RNH1: variants seen among roughly 807,000 people sequenced by gnomAD.
The protein encoded by RNH1 is ribonuclease/angiogenin inhibitor 1.
RNH1 carries 38 observed loss-of-function variants against 46.1 expected under a neutral mutation model. The observed-to-expected ratio is 0.82, with a 90% CI of 0.64 to 1.08. The LOEUF (loss-of-function observed/expected upper bound fraction) is 1.08. Ranked by LOEUF, RNH1 falls within the 50% of genes least tolerant of loss-of-function variation. The pLI is 0.00. For synonymous variants in RNH1, 319 were observed against 279.1 expected (o/e 1.14, Z -1.43); for missense variants, 577 against 590.7 (o/e 0.98, Z 0.24).
intron 1 of RNH1, chr11:506,742 G>T (rs1850304499): frequency 6.6e-6 from 1 of 152,436 alleles, no homozygotes; most frequent in South Asian, 2.1e-4. Context: ...GCTGGGCCAG[G>T]ATTGCTTGCG....
intron 9 of RNH1, among the ~76,000 whole-genome samples, chr11:495,750 G>C (rs1329828994): frequency 6.6e-6 from 1 of 152,154 alleles, no homozygotes. Context: ...TCCCCTGGCA[G>C]GGAACTGAAA....
In RNH1 at chr11:499,548, G is replaced by A. The variant is rs766052855; in HGVS notation, c.443+281C>T. On this transcript the variant is annotated intron_variant, in intron 5 of 10. Transcript: ENST00000354420. ...GTGAGTGGAACCTGACTCACGGCCA[G>A]GCATCTGTTCCCACCGTCGGGTCCT... 1.2e-4 allele frequency: 81 copies of A among 700,360 alleles called. 1 individual carries two copies. Among genetic ancestry groups the A allele is most frequent in the Middle Eastern group, 6.9e-4 (3 of 4,378 alleles). The allele number at this position is 700,360 out of a possible 1,614,324, so 43.4% of individuals were successfully genotyped here.
At chr11:505,343 T>A (rs755203665) in intron 1 of RNH1, 2 of 152,202 alleles carry the variant, frequency 1.3e-5, no homozygotes, top group Non-Finnish European at 2.9e-5. Flanking sequence ...AAAGGGACTT[T>A]GCAAATATTA....
At chr11:504,453 C>T (rs1194600213) in intron 2 of RNH1, 1 of 152,754 alleles carries the variant, frequency 6.5e-6, no homozygotes, top group Non-Finnish European at 1.5e-5. Context: ...AGACCCAAGG[C>T]CAGAGCCGCT....
intron 9 of RNH1, among the ~76,000 whole-genome samples, chr11:496,988 C>T (rs760050407): frequency 1.2e-4 from 18 of 152,356 alleles, no homozygotes; most frequent in Non-Finnish European, 2.2e-4. Flanking sequence ...AAAATGAGAA[C>T]TAAGCCAGAG....
In RNH1 at chr11:501,840, C is replaced by CACCCACCTCA. The variant is rs1304353435; in HGVS notation, c.101+221_101+222insTGAGGTGGGT. The CACCCACCTCA allele has an allele frequency of 1.1e-5, 6 of 564,244 alleles. No individual in the cohort carries two copies. In the Admixed American group the frequency reaches 1.8e-4, roughly 17 times the overall value. 35.0% of individuals were successfully genotyped at this position (564,244 alleles called of 1,614,324 possible). Reference sequence around the variant, plus strand: ...TGGCCAGTGGCCGCCCACCTCGGCCCGCCCACCTCAGCCCATGCTGCATGA... The same window carrying CACCCACCTCA: ...TGGCCAGTGGCCGCCCACCTCGGCCCACCCACCTCAGCCCACCTCAGCCCATGCTGCATGA... On this transcript the variant is annotated intron_variant, in intron 3 of 10. Transcript: ENST00000354420. This position sits in a 1 kb window ranked among gnomAD's most constrained non-coding sequence, Gnocchi z 4.1.
Position 500,663 on chromosome 11 carries a change from AG to A in RNH1, c.102-10del, listed in dbSNP as rs780491807. 6.2e-7 allele frequency: 1 copy of A among 1,603,048 alleles called. No individual in the cohort carries two copies. Among genetic ancestry groups the A allele is most frequent in the Non-Finnish European group, 8.5e-7 (1 of 1,179,918 alleles). On this transcript the variant is annotated splice_polypyrimidine_tract_variant and intron_variant, in intron 3 of 10. Transcript: ENST00000354420. ...GGCCACAGTCGTCCAGCCTGTGAGC[AG>A]ACCCCAGGGTCATGTGGACCACGCA...
Position 498,608 on chromosome 11 carries a change from T to A in RNH1, c.805A>T (p.Thr269Ser), listed in dbSNP as rs921926850. 2.5e-6 allele frequency: 4 copies of A among 1,612,588 alleles called. No homozygotes were observed. Among genetic ancestry groups the A allele is most frequent in the Non-Finnish European group, 3.4e-6 (4 of 1,179,992 alleles). The change falls in exon 8 of 11, where the codon ACT (threonine) becomes TCT (serine). Residue 269 changes from threonine (T) to serine (S), a missense_variant. Physicochemically the swap from Thr to Ser is moderately conservative, Grantham distance 58. Transcript: ENST00000354420. ...CACAGATCCCCGCAGCCCTTGGCAG[T>A]GATGCCACACTCCCAGATCCTGCAG... ...RTLWIWECGI[T>S]AKGCGDLCRV...
intron 1 of RNH1, chr11:505,270 A>C (rs1364474161): frequency 6.6e-6 from 1 of 152,242 alleles, no homozygotes; most frequent in South Asian, 2.1e-4. Context: ...TTTTAAAATA[A>C]GAATGGCCCT....
chr11:495,743 C>G (rs1009684388), intron 9 of RNH1, among the ~76,000 whole-genome samples: 11 of 152,120 alleles, frequency 7.2e-5, no homozygotes, highest in African/African-American at 2.7e-4. Flanking sequence ...GATGGTGTCC[C>G]CTGGCAGGGA....
At chr11:506,829 C>T (rs971830944) in intron 1 of RNH1, 39 of 152,318 alleles carry the variant, frequency 2.6e-4, no homozygotes, top group African/African-American at 9.2e-4. Context: ...GCCCCGCGCC[C>T]CGGGCAAGGA....
At chr11:496,859 C>CCCG in intron 9 of RNH1, among the ~76,000 whole-genome samples, 1 of 152,378 alleles carries the variant, frequency 6.6e-6, no homozygotes, top group East Asian at 1.9e-4. Context: ...AGGCGGGGTT[C>CCCG]CCGCAAGGGA....
rs762313358 is a variant in RNH1, at chr11:495,110, G to A, written c.1128-57C>T. 801 of 1,538,322 alleles carry A rather than the reference G, an allele frequency of 5.2e-4. 1 individual carries two copies. The highest frequency in any genetic ancestry group is 9.8e-4 in the South Asian group (84 of 85,370). ...GGGCGTGCCTGGCACCGCACTGACC[G>A]GCAGAGCAGGCCTGGGCCTGGGGGG... On this transcript the variant is annotated intron_variant, in intron 9 of 10. Coordinates refer to ENST00000354420, the MANE Select transcript of RNH1 (RefSeq NM_203387.3).
intron 9 of RNH1, among the ~76,000 whole-genome samples, chr11:495,371 C>T (rs932510925): frequency 3.3e-5 from 5 of 152,220 alleles, no homozygotes; most frequent in Non-Finnish European, 7.3e-5. Flanking sequence ...CACCGTCTGG[C>T]TGCGTGGGCT....
chr11:500,386 C>T (rs1322811427), intron 4 of RNH1, 98 bp downstream of exon 4: 4 of 1,393,346 alleles, frequency 2.9e-6, no homozygotes, highest in Non-Finnish European at 3.9e-6. Flanking sequence ...GCCTGTCCAC[C>T]TGCAGCTGCC....
chr11:494,985 C>T lies in RNH1; in HGVS notation c.1196G>A (p.Ser399Asn). The T allele has an allele frequency of 6.2e-7, 1 of 1,605,486 alleles. No individual in the cohort carries two copies. The highest frequency in any genetic ancestry group is 8.5e-7 in the Non-Finnish European group (1 of 1,176,466). ...GTTGCTGAGGTCCAGCTCACGCAGG[C>T]TGTGGTTGGCCAACAGGGTTGCGGC... ...SLAATLLANH[S>N]LRELDLSNNC... The change falls in exon 10 of 11, where the codon AGC becomes AAC. Residue 399 changes from serine (S) to asparagine (N), a missense_variant. Physicochemically the swap from Ser to Asn is conservative, Grantham distance 46. Transcript: ENST00000354420.
Position 498,797 on chromosome 11 carries a change from GC to G in RNH1, c.750del (p.Leu251CysfsTer36). 1 of 1,606,372 alleles carries G rather than the reference GC, an allele frequency of 6.2e-7. No individual in the cohort carries two copies. Among genetic ancestry groups the G allele is most frequent in the Non-Finnish European group, 8.5e-7 (1 of 1,179,542 alleles). ...CTGAGCCTGGAGCTGGGGTGGAGCAGCCCTGGGCACAGCTCCGCCATGCCCA... is the reference window on the plus strand; with the variant it reads ...CTGAGCCTGGAGCTGGGGTGGAGCAGCCTGGGCACAGCTCCGCCATGCCCA... ...GDVGMAELCP[G>X]LLHPSSRLRT... is the part of the protein sequence containing the mutation. On this transcript the variant is annotated frameshift_variant, in exon 7 of 11. Coordinates refer to ENST00000354420, the MANE Select transcript of RNH1 (RefSeq NM_203387.3). LOFTEE classifies it high-confidence loss of function.
At chr11:496,918 A>AG in intron 9 of RNH1, among the ~76,000 whole-genome samples, 1 of 152,388 alleles carries the variant, frequency 6.6e-6, no homozygotes, top group Admixed American at 6.5e-5. Flanking sequence ...GTGGCCAGGT[A>AG]GGCTGGAGCT....
rs1238299934 is a variant in RNH1 at position 498,437 on chromosome 11, G to A, written c.956+20C>T. 1 of 1,609,864 alleles carries A rather than the reference G, an allele frequency of 6.2e-7. No homozygotes were observed. The highest frequency in any genetic ancestry group is 2.2e-5 in the East Asian group (1 of 44,868). ...GCCCTCTCTTGGGCGACAGGGCCCTGCCCCGACAGCCACACTCACCACAGC... is the reference window on the plus strand; with the variant it reads ...GCCCTCTCTTGGGCGACAGGGCCCTACCCCGACAGCCACACTCACCACAGC... On this transcript the variant is annotated intron_variant, in intron 8 of 10. Coordinates refer to ENST00000354420, the MANE Select transcript of RNH1 (RefSeq NM_203387.3).
Sources: allele counts gnomAD v4.1 joint callset (sites outside exome capture counted in the v4.1 genomes callset), GRCh38; gene constraint gnomAD v4.1.1; non-coding constraint Gnocchi (gnomAD v3.1); transcripts MANE v1.5; gene names NCBI Gene and HGNC (gene_info 2026-07-23, HGNC 2026-07-21).